FIG4: variants seen among roughly 807,000 people sequenced by gnomAD.
FIG4 encodes polyphosphoinositide phosphatase.
A neutral mutation model predicts 118.6 loss-of-function variants in FIG4; 112 were observed. The ratio of observed to expected loss-of-function variants is 0.94; its 90% CI spans 0.81 to 1.11. FIG4 has a LOEUF of 1.11. Ranked by LOEUF, FIG4 falls within the 50% of genes least tolerant of loss-of-function variation. The pLI, the probability that FIG4 is intolerant of heterozygous loss-of-function variation, is 0.00. For synonymous variants in FIG4, 369 were observed against 381.2 expected (o/e 0.97, Z 0.37); for missense variants, 969 against 1,111.7 (o/e 0.87, Z 1.83).
chr6:109,732,360 A>G (rs1453532627), intron 4 of FIG4, among the ~76,000 whole-genome samples: 1 of 152,202 alleles, frequency 6.6e-6, no homozygotes, highest in Non-Finnish European at 1.5e-5. Context: ...TGTCTTGCCC[A>G]AAGTCTGCTG....
chr6:109,750,176 G>A (rs1481561903), intron 10 of FIG4, among the ~76,000 whole-genome samples: 1 of 152,172 alleles, frequency 6.6e-6, no homozygotes, highest in Non-Finnish European at 1.5e-5. Flanking sequence ...CTTCCCAGTT[G>A]TGAAAGTTTG....
intron 10 of FIG4, among the ~76,000 whole-genome samples, chr6:109,747,599 A>G (rs1023394728): frequency 9.2e-5 from 14 of 152,100 alleles, no homozygotes; most frequent in East Asian, 1.9e-4. Flanking sequence ...TTTTCCCCCA[A>G]TAGGAGTACC....
intron 16 of FIG4, among the ~76,000 whole-genome samples, chr6:109,778,418 C>T (rs1390596362): frequency 6.7e-5 from 10 of 150,178 alleles, no homozygotes; most frequent in East Asian, 2.0e-4. Flanking sequence ...TGTCATGAGC[C>T]GAGATGGTGC....
chr6:109,692,008 GA>G (rs1486361449), intron 1 of FIG4, among the ~76,000 whole-genome samples: 1 of 152,128 alleles, frequency 6.6e-6, no homozygotes, highest in Non-Finnish European at 1.5e-5. Context: ...GAAAGGAAAG[GA>G]AAACTTACTT....
chr6:109,759,658 A>G (rs1453167369), intron 10 of FIG4, among the ~76,000 whole-genome samples: 2 of 152,202 alleles, frequency 1.3e-5, no homozygotes, highest in African/African-American at 2.4e-5. Flanking sequence ...AACTAAAGAG[A>G]TGCCCCAGGC....
intron 2 of FIG4, among the ~76,000 whole-genome samples, chr6:109,715,905 C>T (rs1385062837): frequency 6.6e-6 from 1 of 152,134 alleles, no homozygotes; most frequent in Non-Finnish European, 1.5e-5. Context: ...CTACTTGTAA[C>T]AAAACTATTT....
At chr6:109,721,422 T>TC (rs1351636566) in intron 3 of FIG4, among the ~76,000 whole-genome samples, 3 of 152,264 alleles carry the variant, frequency 2.0e-5, no homozygotes, top group Non-Finnish European at 4.4e-5. Context: ...ATTACACTAT[T>TC]CCCTGTTAGT....
At chr6:109,698,055 A>T (rs1014088203) in intron 1 of FIG4, among the ~76,000 whole-genome samples, 1 of 151,710 alleles carries the variant, frequency 6.6e-6, no homozygotes, top group Admixed American at 6.6e-5. Flanking sequence ...CATCTGGCTA[A>T]TTTTTTGTAT....
intron 15 of FIG4, 108 bp downstream of exon 15, chr6:109,767,003 TTTAAA>T (rs1777299859): frequency 1.1e-6 from 1 of 928,774 alleles, no homozygotes; most frequent in African/African-American, 1.7e-5. Context: ...ATTTTAAAAG[TTTAAA>T]TAAAACAGTC....
intron 19 of FIG4, 78 bp from the exon 20 acceptor site, chr6:109,791,298 C>A: frequency 7.9e-7 from 1 of 1,258,254 alleles, no homozygotes. Flanking sequence ...AGGCCTAAGG[C>A]TTTGGGACAG....
Position 109,742,924 on chromosome 6 carries a change from T to C in FIG4, c.877-186T>C, listed in dbSNP as rs188242484. On this transcript the variant is annotated intron_variant, in intron 8 of 22. Coordinates refer to ENST00000230124, the MANE Select transcript of FIG4 (RefSeq NM_014845.6). ...TGCTACTTTTAATTGCCTTCTTTATTATATTTTAATGGTTTTGCTTTTCTA... is the reference window on the plus strand; with the variant it reads ...TGCTACTTTTAATTGCCTTCTTTATCATATTTTAATGGTTTTGCTTTTCTA... Among the ~76,000 whole-genome samples, 24 of 152,264 alleles carry C rather than the reference T, an allele frequency of 1.6e-4. No individual in the cohort carries two copies. In the East Asian group the frequency reaches 2.9e-3, roughly 18 times the overall value.
At chr6:109,703,246 T>C (rs1029543082) in intron 1 of FIG4, among the ~76,000 whole-genome samples, 9 of 152,200 alleles carry the variant, frequency 5.9e-5, no homozygotes, top group Admixed American at 6.5e-5. Flanking sequence ...CTTCCAGCAT[T>C]GTTGCTGAGA....
intron 4 of FIG4, among the ~76,000 whole-genome samples, chr6:109,729,787 A>G (rs1157627619): frequency 6.6e-6 from 1 of 151,706 alleles, no homozygotes; most frequent in Non-Finnish European, 1.5e-5. Flanking sequence ...AAAAAAAAAA[A>G]AAGATTAAAA....
chr6:109,769,552 CTT>C (rs1449794857), intron 15 of FIG4, among the ~76,000 whole-genome samples: 2 of 151,910 alleles, frequency 1.3e-5, no homozygotes, highest in African/African-American at 4.8e-5. Context: ...CTCAAGACAA[CTT>C]TGCAAAACTT....
chr6:109,707,070 T>C (rs991639990), intron 1 of FIG4, among the ~76,000 whole-genome samples: 1 of 152,128 alleles, frequency 6.6e-6, no homozygotes, highest in Non-Finnish European at 1.5e-5. Context: ...CCCAACTTAG[T>C]TTACTAATTT....
In FIG4 at chr6:109,762,084, T is replaced by C. The variant is rs748835881; in HGVS notation, c.1272-7T>C. ...CTCACTTTTCTCATTCTTCCTTCTC[T>C]CCTCAGCAAGCTGTGTAATGTTCTT... On this transcript the variant is annotated splice_polypyrimidine_tract_variant and splice_region_variant and intron_variant, in intron 11 of 22. Coordinates refer to ENST00000230124, the MANE Select transcript of FIG4 (RefSeq NM_014845.6). 1.3e-6 allele frequency: 2 copies of C among 1,555,286 alleles called. No homozygotes were observed. Among genetic ancestry groups the C allele is most frequent in the Non-Finnish European group, 1.8e-6 (2 of 1,126,568 alleles).
chr6:109,729,557 A>C (rs1029248523), intron 4 of FIG4, among the ~76,000 whole-genome samples: 1 of 152,170 alleles, frequency 6.6e-6, no homozygotes, highest in East Asian at 1.9e-4. Flanking sequence ...ATCATTTCCT[A>C]CTTGGAAAAT....
At chr6:109,723,274 C>G (rs1274242329) in intron 3 of FIG4, among the ~76,000 whole-genome samples, 2 of 152,078 alleles carry the variant, frequency 1.3e-5, no homozygotes, top group South Asian at 4.2e-4. Context: ...TTAGTTTTAA[C>G]TCCCAAAGCA....
In FIG4 at chr6:109,755,147, C is replaced by T. The variant is rs534504991; in HGVS notation, c.1138-5103C>T. Among the ~76,000 whole-genome samples, 9 of 152,204 alleles carry T rather than the reference C, an allele frequency of 5.9e-5. No individual in the cohort carries two copies. The East Asian group carries it at 1.2e-3, about 20-fold the overall frequency. On this transcript the variant is annotated intron_variant, in intron 10 of 22. Coordinates refer to ENST00000230124, the MANE Select transcript of FIG4 (RefSeq NM_014845.6). ...TTCTGGTATGTTGTGTCTTTGTTCT[C>T]GTTGGTTTCAAAGAACATCTTTATT...
Sources: allele counts gnomAD v4.1 joint callset (sites outside exome capture counted in the v4.1 genomes callset), GRCh38; gene constraint gnomAD v4.1.1; transcripts MANE v1.5; gene names NCBI Gene and HGNC (gene_info 2026-07-23, HGNC 2026-07-21).